Variants in ENTPD1 observed in about 807,000 individuals in gnomAD.
The protein encoded by ENTPD1 is ATP diphosphohydrolase.
ENTPD1 carries 33 observed loss-of-function variants against 57.0 expected under a neutral mutation model. The observed-to-expected ratio is 0.58, with a 90% confidence interval of 0.44 to 0.77. The LOEUF is 0.77. Among genes scored for constraint, ENTPD1 ranks in the 30% least tolerant of loss-of-function variants. ENTPD1 has a pLI of 0.00. For missense variants in ENTPD1, 501 were observed against 603.4 expected, an observed-to-expected ratio of 0.83 and a Z score of 1.78; for synonymous variants, 202 against 218.8, an observed-to-expected ratio of 0.92 and a Z score of 0.68.
chr10:95,819,413 C>G (rs2098341069), intron 1 of ENTPD1, among the ~76,000 whole-genome samples: 1 of 152,158 alleles, frequency 6.6e-6, no homozygotes, highest in African/African-American at 2.4e-5. Context: ...ATCCGCCCAC[C>G]TTTGCCTCCC....
intron 1 of ENTPD1, chr10:95,756,564 A>T (rs918943994): frequency 8.1e-6 from 3 of 371,988 alleles, no homozygotes; most frequent in African/African-American, 6.2e-5. Flanking sequence ...CTTGCAGTTT[A>T]AGAGGCAGCT....
At position 95,743,643 on chromosome 10, in the gene ENTPD1, A is replaced by G. The variant is rs533026112; in HGVS notation, c.37+31650A>G. ...TTTCAGTATAGACTCGTGGATATTT[A>G]TTTTATACTTTGGATTATCTTTGAA... On this transcript the variant is annotated intron_variant, in intron 1 of 9. Coordinates refer to the ENTPD1 transcript ENST00000453258. Among the ~76,000 whole-genome samples the G allele has an allele frequency of 3.9e-5, 6 of 152,228 alleles. No homozygotes were observed. In the South Asian group the frequency reaches 1.2e-3, roughly 32 times the overall value.
At chr10:95,776,545 G>A (rs965348997) in intron 1 of ENTPD1, among the ~76,000 whole-genome samples, 2 of 152,268 alleles carry the variant, frequency 1.3e-5, no homozygotes, top group Middle Eastern at 3.4e-3. Flanking sequence ...TGGGTAACCC[G>A]ACCTTTCTCT....
chr10:95,758,002 C>CAAAAAAAAAAAAAAAAAAAAAAAA (rs57407553), intron 1 of ENTPD1, among the ~76,000 whole-genome samples: 26 of 26,408 alleles, frequency 9.8e-4, no homozygotes, highest in Non-Finnish European at 1.4e-3. Flanking sequence ...GACACTGTCT[C>CAAAAAAAAAAAAAAAAAAAAAAAA]AAAAAAAAAA....
At chr10:95,802,800 T>C (rs1364236867) in intron 1 of ENTPD1, among the ~76,000 whole-genome samples, 6 of 152,240 alleles carry the variant, frequency 3.9e-5, no homozygotes, top group Non-Finnish European at 8.8e-5. Flanking sequence ...TCCTTTTTTA[T>C]GGCTGCATAG....
intron 1 of ENTPD1, among the ~76,000 whole-genome samples, chr10:95,766,722 ATTTAT>A (rs2098089761): frequency 6.6e-6 from 1 of 152,026 alleles, no homozygotes; most frequent in Non-Finnish European, 1.5e-5. Context: ...AACAGTTCAC[ATTTAT>A]TTTATCTGCC....
At position 95,711,962 on chromosome 10, in the gene ENTPD1, G is replaced by A; in HGVS notation, c.6G>A (p.Lys2=). The A allele has an allele frequency of 1.2e-6, 2 of 1,613,360 alleles. 1 individual carries two copies. The highest frequency in any genetic ancestry group is 3.7e-4 in the Middle Eastern group (2 of 5,438). ...CTGTTCTTCTGGAAGCTGCAATGAA[G>A]GGAACCAAGGACCTGACAAGCCAGC... Residue 2 remains lysine (K), a synonymous_variant, in exon 1 of 10, where the codon AAG becomes AAA. Transcript: ENST00000453258.
chr10:95,842,476 C>A lies in ENTPD1; in HGVS notation c.395C>A (p.Ala132Glu). ...QETPVYLGAT[A>E]GMRLLRMESE... Reference sequence around the variant, plus strand: ...ACACCCGTTTACCTGGGAGCCACGGCAGGCATGCGGTTGCTCAGGTATAGC... The same window carrying A: ...ACACCCGTTTACCTGGGAGCCACGGAAGGCATGCGGTTGCTCAGGTATAGC... The change falls in exon 4 of 10, where the codon GCA becomes GAA. Residue 132 changes from alanine to glutamate, a missense_variant. Ala to Glu is a moderately radical substitution (Grantham distance 107, BLOSUM62 -1). Coordinates refer to ENST00000371205, the MANE Select transcript of ENTPD1 (RefSeq NM_001776.6). The A allele has an allele frequency of 6.2e-7, 1 of 1,613,982 alleles. No individual in the cohort carries two copies. The highest frequency in any genetic ancestry group is 1.7e-5 in the Admixed American group (1 of 59,998).
intron 2 of ENTPD1, among the ~76,000 whole-genome samples, chr10:95,825,153 G>T (rs2098369640): frequency 6.6e-6 from 1 of 152,150 alleles, no homozygotes; most frequent in African/African-American, 2.4e-5. Context: ...CTGTCCCTCT[G>T]TTGCACTAGC....
At chr10:95,855,797 A>G (rs2098453589) in intron 7 of ENTPD1, among the ~76,000 whole-genome samples, 3 of 152,216 alleles carry the variant, frequency 2.0e-5, no homozygotes, top group Admixed American at 2.0e-4. Flanking sequence ...AGTTTCTGCC[A>G]AAAGGTCTGC....
At chr10:95,742,803 T>C (rs552796856) in intron 1 of ENTPD1, among the ~76,000 whole-genome samples, 1 of 152,352 alleles carries the variant, frequency 6.6e-6, no homozygotes, top group South Asian at 2.1e-4. Flanking sequence ...GGGTTTCCGG[T>C]ACAACAGCTG....
Position 95,870,407 on chromosome 10 carries a change from TAA to T in ENTPD1, c.*4025_*4026del, listed in dbSNP as rs988747928. On this transcript the variant is annotated 3_prime_UTR_variant, in exon 10 of 10. Transcript: ENST00000371205. Reference sequence around the variant, plus strand: ...TCAAGCAAGGCTACAGGTGTGCACCTAAGTAGCTAGGACTACAGGTGTGCACC... The same window carrying T: ...TCAAGCAAGGCTACAGGTGTGCACCTGTAGCTAGGACTACAGGTGTGCACC... 1.0e-4 allele frequency: 74 copies of T among 719,340 alleles called. No homozygotes were observed. Among genetic ancestry groups the T allele is most frequent in the Non-Finnish European group, 1.2e-4 (71 of 587,478 alleles). The allele number at this position is 719,340 out of a possible 1,614,324, so 44.6% of individuals were successfully genotyped here. A position where few individuals can be genotyped will look rare whatever the true frequency, so the allele number is the denominator to read the frequency against.
At chr10:95,776,103 CTG>C (rs2098132941) in intron 1 of ENTPD1, among the ~76,000 whole-genome samples, 2 of 152,274 alleles carry the variant, frequency 1.3e-5, no homozygotes, top group Non-Finnish European at 2.9e-5. Flanking sequence ...ATTTGCCAGT[CTG>C]TGTCTTTTAA....
intron 1 of ENTPD1, among the ~76,000 whole-genome samples, chr10:95,713,365 T>G (rs2139810051): frequency 6.6e-6 from 1 of 152,360 alleles, no homozygotes; most frequent in East Asian, 1.9e-4. Context: ...TCTAAACAAT[T>G]GTCTTACTTG....
the ENTPD1 span, among the ~76,000 whole-genome samples, chr10:95,705,883 A>G: frequency 1.3e-5 from 2 of 152,196 alleles, no homozygotes; most frequent in Admixed American, 1.3e-4. Flanking sequence ...AATTTGCTTT[A>G]GCTCAGGAGT....
chr10:95,781,358 G>A (rs562989346), intron 1 of ENTPD1, among the ~76,000 whole-genome samples: 1 of 152,078 alleles, frequency 6.6e-6, no homozygotes, highest in Non-Finnish European at 1.5e-5. Flanking sequence ...GCAACAGGGT[G>A]CTATCAAACC....
chr10:95,843,406 G>A (rs2861152), intron 4 of ENTPD1: 75,612 of 152,086 alleles, frequency 0.5, 19,317 homozygotes, highest in Admixed American at 0.6. Flanking sequence ...GTAGCAGCTC[G>A]TATTTATTGA....
rs1263935741 is a variant in ENTPD1, at chr10:95,845,753, C to G, written c.813+157C>G. On this transcript the variant is annotated intron_variant, in intron 6 of 9. Transcript: ENST00000371205. ...GGATATTGAACTACATCTGGTTGAC[C>G]CCTATAAATTGTTTCAGTCAGACAT... The G allele has an allele frequency of 1.1e-5, 14 of 1,257,884 alleles. No homozygotes were observed. The Admixed American group carries it at 2.8e-4, about 25-fold the overall frequency. The allele number at this position is 1,257,884 out of a possible 1,614,324, so 77.9% of individuals were successfully genotyped here. A position where few individuals can be genotyped will look rare whatever the true frequency, so the allele number is the denominator to read the frequency against.
At chr10:95,846,640 C>T (rs1160274848) in intron 6 of ENTPD1, among the ~76,000 whole-genome samples, 1 of 152,132 alleles carries the variant, frequency 6.6e-6, no homozygotes, top group East Asian at 1.9e-4. Flanking sequence ...GCTCCACTAA[C>T]CTTCTTATCC....
Sources: allele counts gnomAD v4.1 joint callset (sites outside exome capture counted in the v4.1 genomes callset), GRCh38; gene constraint gnomAD v4.1.1; transcripts MANE v1.5; gene names NCBI Gene and HGNC (gene_info 2026-07-23, HGNC 2026-07-21).